The following ASIC2 variants were observed in gnomAD, a reference collection of about 807,000 sequenced individuals.
The protein encoded by ASIC2 is acid-sensing ion channel 2.
A neutral mutation model predicts 57.3 loss-of-function variants in ASIC2; 25 were observed. That is an observed-to-expected ratio of 0.44 (90% CI 0.32 to 0.61). The LOEUF (loss-of-function observed/expected upper bound fraction) is 0.61. ASIC2 is among the 20% of genes least tolerant of loss of function. The pLI, the probability that ASIC2 is intolerant of heterozygous loss-of-function variation, is 0.06. For missense variants in ASIC2, 641 were observed against 738.1 expected, an observed-to-expected ratio of 0.87 and a Z score of 1.52; for synonymous variants, 319 against 307.5, an observed-to-expected ratio of 1.04 and a Z score of -0.39.
intron 2 of ASIC2, among the ~76,000 whole-genome samples, chr17:33,098,101 T>G (rs1483037962): frequency 5.9e-5 from 9 of 152,214 alleles, no homozygotes; most frequent in Non-Finnish European, 1.3e-4. Flanking sequence ...TCTGTTCAAA[T>G]GAAGCAGGGG....
Position 33,994,828 on chromosome 17 carries a change from A to G in ASIC2, c.555+161150T>C, listed in dbSNP as rs1391501778. Reference sequence around the variant, plus strand: ...GATTCTACACCTACTAGGAAGTTTTACTGATCCCAGATTGGCCTATTTGAC... The same window carrying G: ...GATTCTACACCTACTAGGAAGTTTTGCTGATCCCAGATTGGCCTATTTGAC... On this transcript the variant is annotated intron_variant, in intron 1 of 9. Coordinates refer to the ASIC2 transcript ENST00000359872. Among the ~76,000 whole-genome samples the G allele has an allele frequency of 3.3e-5, 5 of 152,128 alleles. No homozygotes were observed. The South Asian group carries it at 6.2e-4, about 19-fold the overall frequency.
At chr17:34,123,486 TG>T (rs1043171344) in intron 1 of ASIC2, among the ~76,000 whole-genome samples, 2 of 152,166 alleles carry the variant, frequency 1.3e-5, no homozygotes, top group African/African-American at 4.8e-5. Context: ...TGCTCAGCAG[TG>T]GGGGTACCCT....
intron 1 of ASIC2, among the ~76,000 whole-genome samples, chr17:34,132,411 G>A (rs77620342): frequency 6.6e-6 from 1 of 151,546 alleles, no homozygotes; most frequent in Non-Finnish European, 1.5e-5. Flanking sequence ...TGGAGTGCGA[G>A]CCGGGTGGAG....
intron 1 of ASIC2, among the ~76,000 whole-genome samples, chr17:33,253,364 C>T (rs1468202294): frequency 1.3e-5 from 2 of 152,110 alleles, no homozygotes; most frequent in Non-Finnish European, 2.9e-5. Flanking sequence ...ATCATGTGTG[C>T]ATGCACGTAT....
intron 1 of ASIC2, among the ~76,000 whole-genome samples, chr17:33,643,862 C>T (rs1009790813): frequency 6.6e-6 from 1 of 152,102 alleles, no homozygotes; most frequent in Non-Finnish European, 1.5e-5. Context: ...GATAATGACG[C>T]TCAGTAATTA....
intron 1 of ASIC2, among the ~76,000 whole-genome samples, chr17:33,732,969 T>C (rs774582076): frequency 9.2e-5 from 14 of 152,320 alleles, no homozygotes; most frequent in Non-Finnish European, 1.9e-4. Context: ...TTGCATTAAG[T>C]ATCTTTGAAA....
At chr17:34,096,087 C>T (rs1369580472) in intron 1 of ASIC2, among the ~76,000 whole-genome samples, 1 of 152,166 alleles carries the variant, frequency 6.6e-6, no homozygotes, top group Non-Finnish European at 1.5e-5. Flanking sequence ...ATCCATTCAA[C>T]CTTTGACAAA....
chr17:33,079,391 A>G (rs550941719), intron 3 of ASIC2, among the ~76,000 whole-genome samples: 144 of 152,144 alleles, frequency 9.5e-4, no homozygotes, highest in African/African-American at 3.3e-3. Context: ...AGAGGGAGAA[A>G]GGAGAGAGTG....
chr17:33,827,497 A>ATT (rs1280433728), intron 1 of ASIC2, among the ~76,000 whole-genome samples: 1 of 74,760 alleles, frequency 1.3e-5, no homozygotes, highest in African/African-American at 5.7e-5. Context: ...ATGCCTGGCT[A>ATT]TTTTTTGTCT....
chr17:33,436,720 G>A lies in ASIC2; in HGVS notation c.556-324653C>T, dbSNP rs34767680. Among the ~76,000 whole-genome samples, 1,350 of 152,064 alleles carry A rather than the reference G, an allele frequency of 8.9e-3. 23 individuals are homozygous for A. Among genetic ancestry groups the A allele is most frequent in the African/African-American group, 0.031 (1,285 of 41,444 alleles). ...GCATTAATTAAACCCTTTCTTTACC[G>A]CAATACCACAGTCTCAGTGACTTGG... On this transcript the variant is annotated intron_variant, in intron 1 of 9. Coordinates refer to the ASIC2 transcript ENST00000359872.
At chr17:33,200,058 TC>T (rs1415483863) in intron 1 of ASIC2, among the ~76,000 whole-genome samples, 1 of 152,180 alleles carries the variant, frequency 6.6e-6, no homozygotes, top group Non-Finnish European at 1.5e-5. Flanking sequence ...TGGAATATCT[TC>T]CACCACTTCT....
At chr17:33,133,013 TCTTCTGA>T (rs1423168300) in intron 1 of ASIC2, among the ~76,000 whole-genome samples, 1 of 152,206 alleles carries the variant, frequency 6.6e-6, no homozygotes, top group Non-Finnish European at 1.5e-5. Context: ...TTGTATAGTC[TCTTCTGA>T]GGGTAAAGTG....
intron 1 of ASIC2, among the ~76,000 whole-genome samples, chr17:33,734,304 C>T (rs1293740826): frequency 1.3e-5 from 2 of 151,082 alleles, no homozygotes; most frequent in Admixed American, 6.6e-5. Context: ...GCCAGCCTTT[C>T]CTCCCCTGTG....
At chr17:33,359,342 T>A (rs1328149871) in intron 1 of ASIC2, among the ~76,000 whole-genome samples, 1 of 152,160 alleles carries the variant, frequency 6.6e-6, no homozygotes, top group African/African-American at 2.4e-5. Context: ...GGTCTAGCTT[T>A]TAGGTCAAGG....
At chr17:33,587,449 C>T (rs1904675281) in intron 1 of ASIC2, among the ~76,000 whole-genome samples, 1 of 152,194 alleles carries the variant, frequency 6.6e-6, no homozygotes, top group African/African-American at 2.4e-5. Flanking sequence ...GCTGCCACAG[C>T]TGTACACATG....
At chr17:33,476,544 GGTGTGTGTGT>G (rs59467363) in intron 1 of ASIC2, among the ~76,000 whole-genome samples, 79 of 104,692 alleles carry the variant, frequency 7.5e-4, no homozygotes, top group African/African-American at 2.6e-3. Context: ...TATGTACAGG[GGTGTGTGTGT>G]GTGTGTGTGT....
chr17:34,049,334 A>G (rs1272853393), intron 1 of ASIC2, among the ~76,000 whole-genome samples: 1 of 152,144 alleles, frequency 6.6e-6, no homozygotes, highest in Non-Finnish European at 1.5e-5. Context: ...GTTGTAGGCA[A>G]TAGTCCTGGA....
chr17:33,371,891 A>G (rs964399613), intron 1 of ASIC2, among the ~76,000 whole-genome samples: 1 of 152,124 alleles, frequency 6.6e-6, no homozygotes, highest in African/African-American at 2.4e-5. Context: ...AAAGCCATGT[A>G]TGAATTTGTT....
intron 3 of ASIC2, among the ~76,000 whole-genome samples, chr17:33,028,963 AC>A (rs1370255649): frequency 6.6e-6 from 1 of 152,150 alleles, no homozygotes; most frequent in African/African-American, 2.4e-5. Context: ...TGTAGATGGC[AC>A]CTTTTCCCTT....
Sources: allele counts gnomAD v4.1 joint callset (sites outside exome capture counted in the v4.1 genomes callset), GRCh38; gene constraint gnomAD v4.1.1; transcripts MANE v1.5; gene names NCBI Gene and HGNC (gene_info 2026-07-23, HGNC 2026-07-21).